PTGIS: variants seen among roughly 807,000 people sequenced by gnomAD.
The protein encoded by PTGIS is prostacyclin synthase.
PTGIS carries 45 observed loss-of-function variants against 50.3 expected under a neutral mutation model. The observed-to-expected ratio is 0.90, with a 90% CI of 0.70 to 1.15. PTGIS has a LOEUF of 1.15. PTGIS is among the 50% of genes most tolerant of loss of function. The pLI is 0.00. For synonymous variants in PTGIS, 260 were observed against 267.7 expected (o/e 0.97, Z 0.28); for missense variants, 668 against 661.3 (o/e 1.01, Z -0.11).
intron 5 of PTGIS, among the ~76,000 whole-genome samples, chr20:49,530,086 G>A (rs537489968): frequency 2.6e-5 from 4 of 151,628 alleles, no homozygotes; most frequent in South Asian, 4.2e-4. Context: ...TCTGGGGGGC[G>A]GAGGTTGTGG....
intron 1 of PTGIS, among the ~76,000 whole-genome samples, chr20:49,562,341 G>C (rs1951826172): frequency 6.6e-6 from 1 of 152,250 alleles, no homozygotes; most frequent in African/African-American, 2.4e-5. Flanking sequence ...CAGCGAGCCA[G>C]GTGTTATTCC....
At chr20:49,532,563 C>T (rs1981961569) in intron 5 of PTGIS, among the ~76,000 whole-genome samples, 1 of 152,122 alleles carries the variant, frequency 6.6e-6, no homozygotes, top group Non-Finnish European at 1.5e-5. Context: ...TTATTAACAT[C>T]TAAAGCACAG....
chr20:49,551,744 ATG>A (rs756782313), intron 1 of PTGIS, among the ~76,000 whole-genome samples: 1 of 148,076 alleles, frequency 6.8e-6, no homozygotes, highest in Non-Finnish European at 1.5e-5. Flanking sequence ...GTGTTTATGT[ATG>A]TGTGTGTGTT....
chr20:49,521,783 A>G (rs1981659521), intron 6 of PTGIS, among the ~76,000 whole-genome samples: 2 of 152,164 alleles, frequency 1.3e-5, no homozygotes, highest in African/African-American at 4.8e-5. Flanking sequence ...GCCAAGAGAA[A>G]GATGGGGCTT....
Position 49,568,043 on chromosome 20 carries a change from C to A in PTGIS, c.74G>T (p.Arg25Leu), listed in dbSNP as rs565007793. ...LLLLLSRRRT[R>L]RPGEPPLDLG... ...GGGCCGAGCGGAGCAGGACACTCAC[C>A]GCGTGCGGCGGCGGCTCAGTAGCAG... The change falls in exon 1 of 10, where the codon CGG becomes CTG. Residue 25 changes from arginine to leucine, a missense_variant and splice_region_variant. By Grantham distance (102) the Arg-to-Leu change is moderately radical (BLOSUM62 -2). Coordinates refer to ENST00000244043, the MANE Select transcript of PTGIS (RefSeq NM_000961.4). 1.5e-4 allele frequency: 228 copies of A among 1,484,372 alleles called. 3 individuals are homozygous for A. In the East Asian group the frequency reaches 6.6e-3, roughly 43 times the overall value. 92.0% of individuals were successfully genotyped at this position (1,484,372 alleles called of 1,614,324 possible).
intron 2 of PTGIS, among the ~76,000 whole-genome samples, chr20:49,548,501 TGGAA>T (rs1204174229): frequency 6.6e-5 from 10 of 151,364 alleles, no homozygotes; most frequent in Non-Finnish European, 1.2e-4. Flanking sequence ...GATGGATGGA[TGGAA>T]GGAAGGATGG....
intron 1 of PTGIS, among the ~76,000 whole-genome samples, chr20:49,565,827 TG>T (rs1316740532): frequency 2.6e-5 from 4 of 152,192 alleles, no homozygotes; most frequent in Admixed American, 6.5e-5. Flanking sequence ...GGATCTAAAC[TG>T]GGGTCCCCAG....
At chr20:49,562,369 C>T (rs1012487307) in intron 1 of PTGIS, among the ~76,000 whole-genome samples, 2 of 152,244 alleles carry the variant, frequency 1.3e-5, no homozygotes, top group African/African-American at 4.8e-5. Context: ...TTTCCTCTTT[C>T]CCCAGAAAAG....
At chr20:49,515,010 A>G (rs1017408592) in intron 6 of PTGIS, among the ~76,000 whole-genome samples, 10 of 152,200 alleles carry the variant, frequency 6.6e-5, no homozygotes, top group Non-Finnish European at 1.3e-4. Context: ...AGCTGCCCCA[A>G]TGAGCCAGAC....
intron 5 of PTGIS, among the ~76,000 whole-genome samples, chr20:49,536,019 T>C (rs1358224173): frequency 6.6e-6 from 1 of 152,262 alleles, no homozygotes; most frequent in African/African-American, 2.4e-5. Flanking sequence ...CTAATATCTC[T>C]AAAAGATGTT....
chr20:49,562,465 A>G (rs1323798484), intron 1 of PTGIS, among the ~76,000 whole-genome samples: 1 of 152,100 alleles, frequency 6.6e-6, no homozygotes, highest in South Asian at 2.1e-4. Context: ...TGGGCCCTCA[A>G]TCCAACTCAG....
At chr20:49,557,563 G>GA (rs35107943) in intron 1 of PTGIS, among the ~76,000 whole-genome samples, 8 of 148,486 alleles carry the variant, frequency 5.4e-5, no homozygotes, top group South Asian at 2.1e-4. Context: ...AGAAAGAAAA[G>GA]AAAAAAAAAA....
Position 49,568,059 on chromosome 20 carries a change from T to C in PTGIS, c.58A>G (p.Ser20Gly). The change falls in exon 1 of 10, where the codon AGC (serine) becomes GGC (glycine). Residue 20 changes from serine to glycine, a missense_variant. Ser to Gly is a moderately conservative substitution (Grantham distance 56). Coordinates refer to ENST00000244043, the MANE Select transcript of PTGIS (RefSeq NM_000961.4). ...GACACTCACCGCGTGCGGCGGCGGC[T>C]CAGTAGCAGCAGCAGCAACAGTGCG... is the stretch of plus-strand genomic sequence containing the variant. Reference protein sequence around the residue: ...LAALLLLLLLSRRRTRRPGEP... With the variant: ...LAALLLLLLLGRRRTRRPGEP... 6.8e-7 allele frequency: 1 copy of C among 1,472,314 alleles called. No homozygotes were observed. Among genetic ancestry groups the C allele is most frequent in the Non-Finnish European group, 8.9e-7 (1 of 1,117,728 alleles). 91.2% of individuals were successfully genotyped at this position (1,472,314 alleles called of 1,614,324 possible).
chr20:49,561,054 G>A (rs910197627), intron 1 of PTGIS, among the ~76,000 whole-genome samples: 22 of 152,148 alleles, frequency 1.4e-4, no homozygotes, highest in Admixed American at 9.2e-4. Flanking sequence ...TCCCCGGGGA[G>A]CCAGACCTAA....
At chr20:49,535,666 C>T (rs1052142517) in intron 5 of PTGIS, among the ~76,000 whole-genome samples, 12 of 152,310 alleles carry the variant, frequency 7.9e-5, no homozygotes, top group Admixed American at 4.6e-4. Flanking sequence ...AGGCGCTTGC[C>T]GCCATGCCCG....
At chr20:49,523,485 AC>A (rs1210816260) in intron 6 of PTGIS, among the ~76,000 whole-genome samples, 1 of 151,988 alleles carries the variant, frequency 6.6e-6, no homozygotes, top group African/African-American at 2.4e-5. Flanking sequence ...TTAAAAAAAA[AC>A]AAAAACAAAA....
rs1175458891 is a variant in PTGIS at position 49,540,633 on chromosome 20, GCTCTCATGTGCT to G, written c.522-924_522-913del. Reference sequence around the variant, plus strand: ...GGGTAAGACATGGGAGCTAGCATGAGCTCTCATGTGCTCTCACTGAGGCACACTTACGCACAC... The same window carrying G: ...GGGTAAGACATGGGAGCTAGCATGAGCTCACTGAGGCACACTTACGCACAC... On this transcript the variant is annotated intron_variant, in intron 4 of 9. Transcript: ENST00000244043. This position sits in a 1 kb window ranked among gnomAD's most constrained non-coding sequence, Gnocchi z 4.8. 6.6e-6 allele frequency among the ~76,000 whole-genome samples: 1 copy of G among 152,104 alleles called. No homozygotes were observed. The highest frequency in any genetic ancestry group is 2.4e-5 in the African/African-American group (1 of 41,408).
chr20:49,537,623 T>C (rs888016166), intron 5 of PTGIS, among the ~76,000 whole-genome samples: 2 of 151,970 alleles, frequency 1.3e-5, no homozygotes, highest in African/African-American at 4.8e-5. Flanking sequence ...GGCGTGGTGG[T>C]GCGTGCCTGT....
At position 49,503,889 on chromosome 20, in the gene PTGIS, T is replaced by C. The variant is rs1981064801; in HGVS notation, c.*4031A>G. On this transcript the variant is annotated 3_prime_UTR_variant, in exon 10 of 10. Transcript: ENST00000244043. ...TCAGAGGCAGTTCCACAAACAAAGA[T>C]GGTTTAATAGATTTCAGCATGTTTC... 1 of 152,210 alleles carries C rather than the reference T, an allele frequency of 6.6e-6. No individual in the cohort carries two copies. The highest frequency in any genetic ancestry group is 1.5e-5 in the Non-Finnish European group (1 of 68,012). 9.4% of individuals were successfully genotyped at this position (152,210 alleles called of 1,614,324 possible). A position where few individuals can be genotyped will look rare whatever the true frequency, so the allele number is the denominator to read the frequency against.
Sources: allele counts gnomAD v4.1 joint callset (sites outside exome capture counted in the v4.1 genomes callset), GRCh38; gene constraint gnomAD v4.1.1; non-coding constraint Gnocchi (gnomAD v3.1); transcripts MANE v1.5; gene names NCBI Gene and HGNC (gene_info 2026-07-23, HGNC 2026-07-21).